The following ATP6V1B2 variants were observed in gnomAD, a reference collection of about 807,000 sequenced individuals.
The protein encoded by ATP6V1B2 is ATPase H+ transporting V1 subunit B2.
In ATP6V1B2, 23 loss-of-function variants were observed where a neutral mutation model predicts 66.7. That is an observed-to-expected ratio of 0.34 (90% confidence interval 0.25 to 0.49). The LOEUF is 0.49. Among genes scored for constraint, ATP6V1B2 ranks in the 20% least tolerant of loss-of-function variants. ATP6V1B2 has a pLI of 0.99. For missense variants in ATP6V1B2, 478 were observed against 650.8 expected (o/e 0.73, Z 2.89); for synonymous variants, 278 against 236.7 (o/e 1.17, Z -1.60).
intron 1 of ATP6V1B2, chr8:20,204,130 C>G (rs1437993220): frequency 4.9e-6 from 2 of 406,946 alleles, no homozygotes; most frequent in African/African-American, 4.1e-5. Context: ...AAACCCTGTG[C>G]AGGCCATAGT....
chr8:20,209,851 A>C (rs1178478693), intron 3 of ATP6V1B2, among the ~76,000 whole-genome samples: 1 of 152,108 alleles, frequency 6.6e-6, no homozygotes, highest in African/African-American at 2.4e-5. Context: ...AAATTATCTC[A>C]TACATTTCCT....
chr8:20,197,441 G>T lies in ATP6V1B2; in HGVS notation c.35G>T (p.Gly12Val), dbSNP rs1361764503. The change falls in exon 1 of 14, where the codon GGG (glycine) becomes GTG (valine). Residue 12 changes from glycine (G) to valine (V), a missense_variant. Transcript: ENST00000276390. ...ALRAMRGIVN[G>V]AAPELPVPTG... ...CGGGCGATGCGGGGGATTGTCAACG[G>T]GGCCGCACCCGAGCTACCCGTGCCC... is the stretch of plus-strand genomic sequence containing the variant. The T allele has an allele frequency of 6.5e-7, 1 of 1,545,414 alleles. No individual in the cohort carries two copies. The highest frequency in any genetic ancestry group is 2.6e-5 in the East Asian group (1 of 37,842).
rs201560042 is a variant in ATP6V1B2 at position 20,212,851 on chromosome 8, A to G, written c.873A>G (p.Lys291=). The change falls in exon 9 of 14, where the codon AAA becomes AAG. Residue 291 remains lysine (K), a synonymous_variant. Coordinates refer to ENST00000276390, the MANE Select transcript of ATP6V1B2 (RefSeq NM_001693.4). The part of the protein sequence containing the change: ...TAEFLAYQCE[K]HVLVILTDMS... ...AATTTCTGGCGTACCAATGTGAGAA[A>G]CATGTATTGGTTATTCTAACAGACA... 5.6e-6 allele frequency: 9 copies of G among 1,613,654 alleles called. No individual in the cohort carries two copies. The highest frequency in any genetic ancestry group is 7.6e-6 in the Non-Finnish European group (9 of 1,179,774).
intron 2 of ATP6V1B2, among the ~76,000 whole-genome samples, chr8:20,208,627 A>G (rs981056868): frequency 6.6e-6 from 1 of 152,006 alleles, no homozygotes; most frequent in African/African-American, 2.4e-5. Flanking sequence ...TTAGAGGAAT[A>G]TATATCTTGT....
At position 20,221,615 on chromosome 8, in the gene ATP6V1B2, G is replaced by A. The variant is rs181222302; in HGVS notation, c.*1213G>A. 39 of 152,708 alleles carry A rather than the reference G, an allele frequency of 2.6e-4. No homozygotes were observed. Among genetic ancestry groups the A allele is most frequent in the African/African-American group, 7.2e-4 (30 of 41,544 alleles). 9.5% of individuals were successfully genotyped at this position (152,708 alleles called of 1,614,324 possible). ...TCTCTGAGGGCTGGGGGTTGGGGGA[G>A]TCAGCATGATTATATTTTAATGTAG... On this transcript the variant is annotated 3_prime_UTR_variant, in exon 14 of 14. Transcript: ENST00000276390.
intron 1 of ATP6V1B2, chr8:20,204,147 CCT>C (rs1443097398): frequency 2.3e-5 from 9 of 385,330 alleles, no homozygotes; most frequent in African/African-American, 6.3e-5. Flanking sequence ...TAGTTAGAGC[CCT>C]TATCTCATCA....
chr8:20,197,492 G>T lies in ATP6V1B2; in HGVS notation c.86G>T (p.Arg29Leu), dbSNP rs17856874. ...ACCGGTGGGCCGGCGGTGGGAGCTC[G>T]GGAGCAGGCGCTGGCAGTCAGTCGG... ...VPTGGPAVGA[R>L]EQALAVSRNY... The change falls in exon 1 of 14, where the codon CGG becomes CTG. Residue 29 changes from arginine (R) to leucine (L), a missense_variant. Physicochemically the swap from Arg to Leu is moderately radical, Grantham distance 102 (BLOSUM62 -2). Around this residue, in one of 2 missense-constraint regions of ATP6V1B2, gnomAD observed 152 missense variants for 105.2 expected, o/e 1.44. Transcript: ENST00000276390. The T allele has an allele frequency of 1.3e-6, 2 of 1,500,050 alleles. No homozygotes were observed. The highest frequency in any genetic ancestry group is 1.8e-6 in the Non-Finnish European group (2 of 1,123,774). The allele number at this position is 1,500,050 out of a possible 1,614,324, so 92.9% of individuals were successfully genotyped here.
At chr8:20,211,057 G>A (rs2072788380) in intron 5 of ATP6V1B2, 120 bp from the exon 6 acceptor site, 2 of 1,285,074 alleles carry the variant, frequency 1.6e-6, no homozygotes, top group Admixed American at 2.9e-5. Context: ...GTAAAGAGAT[G>A]CTTTATGTAG....
intron 10 of ATP6V1B2, chr8:20,215,315 G>A: frequency 1.2e-5 from 2 of 163,460 alleles, no homozygotes; most frequent in Non-Finnish European, 2.7e-5. Context: ...TTATGTGTGT[G>A]CACCGGTAAT....
chr8:20,216,068 C>G (rs1400825143), intron 10 of ATP6V1B2: 1 of 164,906 alleles, frequency 6.1e-6, no homozygotes, highest in Non-Finnish European at 1.3e-5. Context: ...AGAGCCAACA[C>G]ATGTCTAACT....
intron 2 of ATP6V1B2, among the ~76,000 whole-genome samples, chr8:20,205,866 G>C (rs1335594366): frequency 1.3e-5 from 2 of 152,104 alleles, no homozygotes; most frequent in East Asian, 1.9e-4. Context: ...ATTCATGTTA[G>C]ATATTAGCAA....
rs371878324 is a variant in ATP6V1B2, at chr8:20,197,426, G to T, written c.20G>T (p.Arg7Leu). The change falls in exon 1 of 14, where the codon CGG becomes CTG. Residue 7 changes from arginine (R) to leucine (L), a missense_variant. Arg to Leu is a moderately radical substitution (Grantham distance 102). Coordinates refer to ENST00000276390, the MANE Select transcript of ATP6V1B2 (RefSeq NM_001693.4). MALRAM[R>L]GIVNGAAPEL... ...GACAAGATGGCGCTGCGGGCGATGCGGGGGATTGTCAACGGGGCCGCACCC... is the reference window on the plus strand; with the variant it reads ...GACAAGATGGCGCTGCGGGCGATGCTGGGGATTGTCAACGGGGCCGCACCC... The T allele has an allele frequency of 6.5e-7, 1 of 1,544,162 alleles. No homozygotes were observed. The highest frequency in any genetic ancestry group is 8.7e-7 in the Non-Finnish European group (1 of 1,147,404).
Position 20,211,171 on chromosome 8 carries a change from C to T in ATP6V1B2, c.464-6C>T, listed in dbSNP as rs767434557. ...GTTGAAATTTTCCTTTTTGGAAATA[C>T]ATTAGGTCAGCCAATCAACCCTCAA... On this transcript the variant is annotated splice_polypyrimidine_tract_variant and splice_region_variant and intron_variant, in intron 5 of 13. Transcript: ENST00000276390. The T allele has an allele frequency of 8.1e-6, 13 of 1,608,380 alleles. No homozygotes were observed. In the South Asian group the frequency reaches 1.1e-4, roughly 14 times the overall value.
At position 20,197,488 on chromosome 8, in the gene ATP6V1B2, G is replaced by A; in HGVS notation, c.82G>A (p.Ala28Thr). The A allele has an allele frequency of 2.7e-6, 4 of 1,507,432 alleles. No individual in the cohort carries two copies. Among genetic ancestry groups the A allele is most frequent in the African/African-American group, 2.9e-5 (2 of 69,080 alleles). 93.4% of individuals were successfully genotyped at this position (1,507,432 alleles called of 1,614,324 possible). A position where few individuals can be genotyped will look rare whatever the true frequency, so the allele number is the denominator to read the frequency against. ...PVPTGGPAVG[A>T]REQALAVSRN... The stretch of plus-strand genomic sequence containing the variant: ...GCCCACCGGTGGGCCGGCGGTGGGA[G>A]CTCGGGAGCAGGCGCTGGCAGTCAG... The change falls in exon 1 of 14, where the codon GCT (alanine) becomes ACT (threonine). Residue 28 changes from alanine to threonine, a missense_variant. Around this residue, in one of 2 missense-constraint regions of ATP6V1B2, gnomAD observed 152 missense variants for 105.2 expected, o/e 1.44. Transcript: ENST00000276390.
intron 8 of ATP6V1B2, 132 bp downstream of exon 8, chr8:20,212,331 G>T (rs1585251740): frequency 3.7e-6 from 3 of 820,090 alleles, no homozygotes; most frequent in Non-Finnish European, 5.7e-6. Context: ...TTAAAGTCCA[G>T]CCCTGCTTCT....
At chr8:20,197,576 TGCTCCCTAGC>T (rs1442547269) in intron 1 of ATP6V1B2, 34 bp downstream of exon 1, 1 of 1,345,822 alleles carries the variant, frequency 7.4e-7, no homozygotes, top group Non-Finnish European at 9.6e-7. Flanking sequence ...CTCCGGTCTT[TGCTCCCTAGC>T]CTAGCCCTTT....
intron 1 of ATP6V1B2, chr8:20,203,973 C>A (rs1329406584): frequency 2.2e-6 from 1 of 455,868 alleles, no homozygotes; most frequent in Non-Finnish European, 4.4e-6. Context: ...TACAATTTCT[C>A]CAATTTCCTT....
chr8:20,210,092 TTATA>T (rs1020130409), intron 3 of ATP6V1B2, among the ~76,000 whole-genome samples: 2 of 148,102 alleles, frequency 1.4e-5, no homozygotes, highest in African/African-American at 4.9e-5. Flanking sequence ...ATATATATAT[TTATA>T]TATTTATATT....
chr8:20,199,816 T>G (rs7823082), intron 1 of ATP6V1B2, among the ~76,000 whole-genome samples: 1 of 152,012 alleles, frequency 6.6e-6, no homozygotes, highest in African/African-American at 2.4e-5. Flanking sequence ...TCACCGTGTT[T>G]CCCAGGCTGG....
Sources: gnomAD v4.1 joint callset for allele counts (sites outside exome capture counted in the v4.1 genomes callset) on GRCh38, gnomAD v4.1.1 for gene constraint, gnomAD v4.1.1 regional missense constraint, MANE v1.5 for transcripts, NCBI Gene and HGNC (gene_info 2026-07-23, HGNC 2026-07-21) for gene names.